SGCZ: variants seen among roughly 807,000 people sequenced by gnomAD.
SGCZ encodes the protein zeta-sarcoglycan.
In SGCZ, 40 loss-of-function variants were observed where a neutral mutation model predicts 41.3. The observed-to-expected ratio is 0.97, with a 90% CI of 0.75 to 1.26. The LOEUF is 1.26. Among genes scored for constraint, SGCZ ranks in the 50% most tolerant of loss-of-function variants. SGCZ has a pLI of 0.00. For missense variants in SGCZ, 552 were observed against 369.8 expected (o/e 1.49, Z -4.04); for synonymous variants, 206 against 137.5 (o/e 1.50, Z -3.49).
At chr8:14,268,760 A>C (rs1472333261) in intron 3 of SGCZ, among the ~76,000 whole-genome samples, 1 of 151,908 alleles carries the variant, frequency 6.6e-6, no homozygotes, top group Admixed American at 6.6e-5. Flanking sequence ...TGCATTCATT[A>C]CTTTTGTATT....
chr8:14,384,967 T>C (rs193063120), intron 2 of SGCZ, among the ~76,000 whole-genome samples: 2 of 152,310 alleles, frequency 1.3e-5, no homozygotes, highest in East Asian at 3.9e-4. Context: ...CAAAAACACC[T>C]TTATAAAGAC....
At chr8:14,220,258 G>T (rs539484323) in intron 4 of SGCZ, among the ~76,000 whole-genome samples, 1 of 152,176 alleles carries the variant, frequency 6.6e-6, no homozygotes, top group African/African-American at 2.4e-5. Flanking sequence ...TTTATGAATG[G>T]AACTACCATG....
intron 1 of SGCZ, among the ~76,000 whole-genome samples, chr8:14,719,838 T>G (rs1302378515): frequency 6.6e-6 from 1 of 152,048 alleles, no homozygotes; most frequent in East Asian, 1.9e-4. Context: ...TCTTTTGCTG[T>G]GCAGAAGCTC....
At chr8:14,629,164 C>T (rs1431813412) in intron 1 of SGCZ, among the ~76,000 whole-genome samples, 1 of 152,120 alleles carries the variant, frequency 6.6e-6, no homozygotes, top group Admixed American at 6.6e-5. Flanking sequence ...TGAAGTCCAT[C>T]TTCAGTTGTG....
At chr8:14,485,756 C>T (rs1189702107) in intron 2 of SGCZ, among the ~76,000 whole-genome samples, 1 of 152,020 alleles carries the variant, frequency 6.6e-6, no homozygotes, top group East Asian at 1.9e-4. Flanking sequence ...ACATGCAACA[C>T]AGCCAGCACT....
chr8:14,174,141 A>G (rs749603378), intron 4 of SGCZ, among the ~76,000 whole-genome samples: 3 of 152,156 alleles, frequency 2.0e-5, no homozygotes, highest in Non-Finnish European at 2.9e-5. Context: ...CTTAAAAATT[A>G]TACAGACAGG....
chr8:14,650,413 G>T (rs1439544793), intron 1 of SGCZ, among the ~76,000 whole-genome samples: 2 of 151,956 alleles, frequency 1.3e-5, no homozygotes, highest in African/African-American at 4.8e-5. Flanking sequence ...GTCAATTCAT[G>T]TCATGGGGGT....
At chr8:14,239,036 T>C in intron 3 of SGCZ, among the ~76,000 whole-genome samples, 1 of 152,006 alleles carries the variant, frequency 6.6e-6, no homozygotes, top group South Asian at 2.1e-4. Flanking sequence ...AGTCTAGTTT[T>C]TTTTTCCATA....
At chr8:14,656,440 A>C (rs1293265293) in intron 1 of SGCZ, among the ~76,000 whole-genome samples, 40 of 82,586 alleles carry the variant, frequency 4.8e-4, no homozygotes, top group East Asian at 1.1e-3. Flanking sequence ...TCCCCCCTCT[A>C]TCCCTCCCTT....
At chr8:14,376,705 T>C (rs1000908392) in intron 2 of SGCZ, among the ~76,000 whole-genome samples, 19 of 152,266 alleles carry the variant, frequency 1.2e-4, no homozygotes, top group African/African-American at 4.1e-4. Flanking sequence ...GAATATCTAA[T>C]TCAGATAAAG....
chr8:15,094,671 A>G (rs758805635), intron 1 of SGCZ, among the ~76,000 whole-genome samples: 1 of 152,138 alleles, frequency 6.6e-6, no homozygotes, highest in Non-Finnish European at 1.5e-5. Context: ...CTTTGTCCCC[A>G]CCTTGAACTG....
At chr8:14,509,119 A>G (rs570647529) in intron 2 of SGCZ, among the ~76,000 whole-genome samples, 1 of 152,246 alleles carries the variant, frequency 6.6e-6, no homozygotes, top group African/African-American at 2.4e-5. Flanking sequence ...AACAAAAACT[A>G]GGAAATTAGT....
chr8:14,408,221 C>A (rs1799263908), intron 2 of SGCZ, among the ~76,000 whole-genome samples: 1 of 152,016 alleles, frequency 6.6e-6, no homozygotes, highest in Non-Finnish European at 1.5e-5. Context: ...ATATAGGGCA[C>A]CAAAGGGAAC....
intron 1 of SGCZ, among the ~76,000 whole-genome samples, chr8:14,816,201 C>A (rs904665783): frequency 3.9e-5 from 6 of 152,200 alleles, no homozygotes; most frequent in African/African-American, 1.4e-4. Flanking sequence ...GCAGTCTCGA[C>A]ATATTTCAGA....
intron 1 of SGCZ, among the ~76,000 whole-genome samples, chr8:15,022,986 T>C (rs775695217): frequency 2.6e-5 from 4 of 152,310 alleles, no homozygotes; most frequent in South Asian, 2.1e-4. Context: ...GTCAGCCCTA[T>C]ACTAAATGAC....
chr8:14,589,443 A>T (rs1421955247), intron 1 of SGCZ, among the ~76,000 whole-genome samples: 4 of 152,134 alleles, frequency 2.6e-5, no homozygotes, highest in Admixed American at 6.6e-5. Context: ...TTCACCAGAA[A>T]TGTCTGAAGA....
chr8:14,129,859 A>G (rs1802985375), intron 5 of SGCZ, among the ~76,000 whole-genome samples: 1 of 152,248 alleles, frequency 6.6e-6, no homozygotes, highest in Non-Finnish European at 1.5e-5. Flanking sequence ...AACTGGAAAC[A>G]CATAACATGT....
At chr8:14,131,781 G>A (rs1033352209) in intron 5 of SGCZ, among the ~76,000 whole-genome samples, 12 of 152,018 alleles carry the variant, frequency 7.9e-5, no homozygotes, top group Non-Finnish European at 1.8e-4. Context: ...CCTTAATATT[G>A]TATTTTTATA....
rs151294123 is a variant in SGCZ at position 14,152,420 on chromosome 8, A to G, written c.547+12160T>C. Among the ~76,000 whole-genome samples the G allele has an allele frequency of 4.0e-3, 614 of 152,284 alleles. 3 individuals are homozygous for G. The highest frequency in any genetic ancestry group is 7.2e-3 in the Non-Finnish European group (490 of 68,024). On this transcript the variant is annotated intron_variant, in intron 5 of 7. Transcript: ENST00000382080. ...GACAAATACTTGTGGTCCCAACTAT[A>G]TGGGTGGATGAGCTGGGAGGATCGC...
Sources: gnomAD v4.1 joint callset for allele counts (sites outside exome capture counted in the v4.1 genomes callset) on GRCh38, gnomAD v4.1.1 for gene constraint, MANE v1.5 for transcripts, NCBI Gene and HGNC (gene_info 2026-07-23, HGNC 2026-07-21) for gene names.